The following SHROOM2 variants were observed in gnomAD, a reference collection of about 807,000 sequenced individuals.
The protein encoded by SHROOM2 is shroom family member 2, also known as protein Shroom2.
Under a neutral mutation model 75.9 loss-of-function variants are expected in SHROOM2, and 33 were observed. The ratio of observed to expected loss-of-function variants is 0.43; its 90% CI spans 0.33 to 0.58. The LOEUF (loss-of-function observed/expected upper bound fraction) is 0.58. SHROOM2 is among the 20% of genes least tolerant of loss of function. The pLI, the probability that SHROOM2 is intolerant of heterozygous loss-of-function variation, is 0.04. For synonymous variants in SHROOM2, 655 were observed against 663.6 expected (o/e 0.99, Z 0.20); for missense variants, 1,434 against 1,461.2 (o/e 0.98, Z 0.30).
At chrX:9,905,423 G>A (rs2084386434) in intron 5 of SHROOM2, among the ~76,000 whole-genome samples, 1 of 113,078 alleles carries the variant, frequency 8.8e-6, no homozygotes, top group Admixed American at 9.3e-5. Context: ...GCCAGAGCTA[G>A]CAGCACGTGT....
In SHROOM2 at chrX:9,842,489, G is replaced by A. The variant is rs779156116; in HGVS notation, c.166-31163G>A. On this transcript the variant is annotated intron_variant, in intron 1 of 9. Transcript: ENST00000380913. Reference sequence around the variant, plus strand: ...TGGTGTCCTTGGGAGGAAACCCACCGTGGTAGGGCACACAGCGGCTGACTT... The same window carrying A: ...TGGTGTCCTTGGGAGGAAACCCACCATGGTAGGGCACACAGCGGCTGACTT... 6.2e-5 allele frequency among the ~76,000 whole-genome samples: 7 copies of A among 112,444 alleles called. No homozygotes were observed. In the South Asian group the frequency reaches 2.6e-3, roughly 41 times the overall value.
Position 9,855,295 on chromosome X carries a change from T to TAAAAAAAA in SHROOM2, c.166-18338_166-18331dup, listed in dbSNP as rs57235424. Among the ~76,000 whole-genome samples the TAAAAAAAA allele has an allele frequency of 1.2e-3, 46 of 39,295 alleles. 4 individuals are homozygous for TAAAAAAAA. Among genetic ancestry groups the TAAAAAAAA allele is most frequent in the African/African-American group, 3.7e-3 (40 of 10,800 alleles). The allele number at this position is 39,295 out of a possible 115,157, so 34.1% of individuals were successfully genotyped here. A position where few individuals can be genotyped will look rare whatever the true frequency, so the allele number is the denominator to read the frequency against. On this transcript the variant is annotated intron_variant, in intron 1 of 9. Coordinates refer to ENST00000380913, the MANE Select transcript of SHROOM2 (RefSeq NM_001649.4). The stretch of plus-strand genomic sequence containing the variant: ...ATGTATCCCAGAACTTAAAGTATAG[T>TAAAAAAAA]AAAAAAAAAAAAAAAAAAAAAAAAA...
chrX:9,899,891 C>A (rs1230043939), intron 5 of SHROOM2, among the ~76,000 whole-genome samples: 2 of 112,244 alleles, frequency 1.8e-5, no homozygotes, highest in African/African-American at 6.5e-5. Context: ...TCGATGGGCT[C>A]TGCACATGCG....
At chrX:9,938,411 G>A (rs1041830623) in intron 7 of SHROOM2, among the ~76,000 whole-genome samples, 1 of 110,313 alleles carries the variant, frequency 9.1e-6, no homozygotes, top group Non-Finnish European at 1.9e-5. Flanking sequence ...AAATTAGCCA[G>A]GCGTGGTGGT....
chrX:9,897,041 GA>G (rs2084336604), intron 4 of SHROOM2, among the ~76,000 whole-genome samples: 1 of 112,384 alleles, frequency 8.9e-6, no homozygotes, highest in Non-Finnish European at 1.9e-5. Flanking sequence ...TAACGCCTCT[GA>G]CATGGAAATG....
At chrX:9,938,289 C>T (rs1004284931) in intron 7 of SHROOM2, among the ~76,000 whole-genome samples, 1 of 112,396 alleles carries the variant, frequency 8.9e-6, no homozygotes, top group Non-Finnish European at 1.9e-5. Context: ...CAGTGGTGCA[C>T]ACCTGTAATC....
rs1432773096 is a variant in SHROOM2 at position 9,896,802 on chromosome X, G to A, written c.2790+104G>A. Reference sequence around the variant, plus strand: ...CAGGGCTACTCAGCTCCAGCTGTGCGAGCATTTACCTTTTCCAGATCTCCT... The same window carrying A: ...CAGGGCTACTCAGCTCCAGCTGTGCAAGCATTTACCTTTTCCAGATCTCCT... On this transcript the variant is annotated intron_variant, in intron 4 of 9. Transcript: ENST00000380913. The A allele has an allele frequency of 4.4e-5, 40 of 907,476 alleles. 1 individual carries two copies. Among genetic ancestry groups the A allele is most frequent in the Non-Finnish European group, 5.2e-5 (35 of 674,667 alleles). The allele number at this position is 907,476 out of a possible 1,213,427, so 74.8% of individuals were successfully genotyped here. A position where few individuals can be genotyped will look rare whatever the true frequency, so the allele number is the denominator to read the frequency against.
chrX:9,802,728 G>A (rs2083730284), intron 1 of SHROOM2, among the ~76,000 whole-genome samples: 1 of 110,949 alleles, frequency 9.0e-6, no homozygotes, highest in Non-Finnish European at 1.9e-5. Context: ...CTTACACGTA[G>A]CCTTGAGATG....
intron 1 of SHROOM2, among the ~76,000 whole-genome samples, chrX:9,821,323 C>A (rs749475726): frequency 8.9e-6 from 1 of 111,918 alleles, no homozygotes; most frequent in African/African-American, 3.3e-5. Flanking sequence ...ACACTGAAAT[C>A]GGAACCAGTT....
intron 6 of SHROOM2, among the ~76,000 whole-genome samples, chrX:9,935,044 A>G (rs1380568739): frequency 9.0e-6 from 1 of 111,653 alleles, no homozygotes; most frequent in Non-Finnish European, 1.9e-5. Flanking sequence ...AAGAGCTGGG[A>G]TTACAGGGGC....
intron 1 of SHROOM2, among the ~76,000 whole-genome samples, chrX:9,852,984 T>C (rs1601945816): frequency 1.8e-5 from 2 of 111,757 alleles, no homozygotes; most frequent in African/African-American, 6.5e-5. Context: ...GTGGAACCAA[T>C]CTAGAAAAGC....
intron 1 of SHROOM2, among the ~76,000 whole-genome samples, chrX:9,830,109 G>A (rs181052153): frequency 9.0e-5 from 10 of 111,431 alleles, no homozygotes; most frequent in Admixed American, 1.9e-4. Flanking sequence ...ACCCCTCACC[G>A]GAACCTGATT....
At chrX:9,921,448 C>A in intron 5 of SHROOM2, among the ~76,000 whole-genome samples, 1 of 102,544 alleles carries the variant, frequency 9.8e-6, no homozygotes, top group Non-Finnish European at 2.0e-5. Context: ...TTCTCCCACC[C>A]TGTCAACCCT....
chrX:9,864,081 G>A (rs1428471740), intron 1 of SHROOM2, among the ~76,000 whole-genome samples: 3 of 110,683 alleles, frequency 2.7e-5, no homozygotes, highest in African/African-American at 6.6e-5. Flanking sequence ...GTCTGTCTCC[G>A]GGCGAAACTT....
Position 9,896,596 on chromosome X carries a change from C to T in SHROOM2, c.2688C>T (p.His896=). The part of the protein sequence containing the change: ...PLEARSSGRC[H]SADDILDVSL... ...AGGCCAGGAGCTCTGGGCGCTGCCA[C>T]TCAGCGGATGACATCCTGGATGTGA... Residue 896 remains histidine, a synonymous_variant, in exon 4 of 10, where the codon CAC becomes CAT. Coordinates refer to ENST00000380913, the MANE Select transcript of SHROOM2 (RefSeq NM_001649.4). 8.3e-7 allele frequency: 1 copy of T among 1,210,238 alleles called. No individual in the cohort carries two copies. The highest frequency in any genetic ancestry group is 1.1e-6 in the Non-Finnish European group (1 of 894,753).
chrX:9,838,842 C>T (rs1339397225), intron 1 of SHROOM2, among the ~76,000 whole-genome samples: 1 of 111,629 alleles, frequency 9.0e-6, no homozygotes, highest in East Asian at 2.8e-4. Flanking sequence ...GCAGCTTTTA[C>T]GCCACATACT....
intron 4 of SHROOM2, 146 bp from the exon 5 acceptor site, chrX:9,898,044 G>A (rs1360833919): frequency 3.9e-6 from 2 of 512,033 alleles, no homozygotes; most frequent in Admixed American, 2.7e-5. Flanking sequence ...AGAAGTGGAC[G>A]TGGGGTCTTA....
Position 9,828,470 on chromosome X carries a change from A to C in SHROOM2, c.165+41760A>C, listed in dbSNP as rs193110103. On this transcript the variant is annotated intron_variant, in intron 1 of 9. Coordinates refer to ENST00000380913, the MANE Select transcript of SHROOM2 (RefSeq NM_001649.4). ...GGAAGAAGTTATTGTTCTTCTTCTT[A>C]TTATTATTGTTGCTTTAGTGACAGA... 3.4e-3 allele frequency among the ~76,000 whole-genome samples: 376 copies of C among 111,019 alleles called. 2 individuals carry two copies. The highest frequency in any genetic ancestry group is 5.8e-3 in the Non-Finnish European group (306 of 52,908).
chrX:9,799,818 ACTTCT>A (rs2083714818), intron 1 of SHROOM2, among the ~76,000 whole-genome samples: 1 of 109,850 alleles, frequency 9.1e-6, no homozygotes, highest in Non-Finnish European at 1.9e-5. Context: ...TGCAGCCTCA[ACTTCT>A]CTTCTTTTTT....
Sources: allele counts gnomAD v4.1 joint callset (sites outside exome capture counted in the v4.1 genomes callset), GRCh38; gene constraint gnomAD v4.1.1; transcripts MANE v1.5; gene names NCBI Gene and HGNC (gene_info 2026-07-23, HGNC 2026-07-21).